Variants in LGALS1 observed in about 807,000 individuals in gnomAD.
LGALS1 encodes the protein galectin-1.
LGALS1 carries 14 observed loss-of-function variants against 14.4 expected under a neutral mutation model. The observed-to-expected ratio is 0.97, with a 90% CI of 0.64 to 1.52. The LOEUF (loss-of-function observed/expected upper bound fraction) is 1.52, where lower values mean the gene tolerates loss of function less well. Ranked by LOEUF, LGALS1 falls within the 40% of genes most tolerant of loss-of-function variation. LGALS1 has a pLI of 0.00. For synonymous variants in LGALS1, 71 were observed against 73.4 expected (o/e 0.97, Z 0.17); for missense variants, 170 against 181.4 (o/e 0.94, Z 0.36).
intron 3 of LGALS1, among the ~76,000 whole-genome samples, chr22:37,679,360 G>A (rs1446536916): frequency 6.6e-6 from 1 of 151,818 alleles, no homozygotes; most frequent in African/African-American, 2.4e-5. Flanking sequence ...GAACCTGGGA[G>A]GCGGAGGTTG....
Position 37,675,728 on chromosome 22 carries a change from C to G in LGALS1, c.9+17C>G. On this transcript the variant is annotated intron_variant, in intron 1 of 3. Coordinates refer to ENST00000215909, the MANE Select transcript of LGALS1 (RefSeq NM_002305.4). ...ATGGCTTGTGTGAGTGTGGGGACCC[C>G]CCCCCAAGGTCCAGGGGATAGGGCA... The G allele has an allele frequency of 6.5e-7, 1 of 1,538,956 alleles. No individual in the cohort carries two copies. Among genetic ancestry groups the G allele is most frequent in the South Asian group, 1.2e-5 (1 of 82,928 alleles).
rs1370437102 is a variant in LGALS1 at position 37,679,595 on chromosome 22, A to G, written c.262-8A>G. ...TGGGCCCGGCTCACTGCTCTCCTCT[A>G]CCCCCAGGTGTGCATCACCTTCGAC... On this transcript the variant is annotated splice_polypyrimidine_tract_variant and splice_region_variant and intron_variant, in intron 3 of 3. Transcript: ENST00000215909. 2.5e-6 allele frequency: 4 copies of G among 1,598,652 alleles called. No individual in the cohort carries two copies. Among genetic ancestry groups the G allele is most frequent in the African/African-American group, 1.3e-5 (1 of 74,300 alleles).
At chr22:37,677,289 C>T (rs566444896) in intron 2 of LGALS1, 2 of 564,136 alleles carry the variant, frequency 3.5e-6, no homozygotes, top group East Asian at 6.0e-5. Flanking sequence ...TAAACTAAAC[C>T]AGCTGCAGCC....
Position 37,678,575 on chromosome 22 carries a change from G to A in LGALS1, c.182G>A (p.Cys61Tyr), listed in dbSNP as rs529196333. 4 of 1,613,620 alleles carry A rather than the reference G, an allele frequency of 2.5e-6. No individual in the cohort carries two copies. In the African/African-American group the frequency reaches 5.3e-5, roughly 21 times the overall value. Residue 61 changes from cysteine to tyrosine, a missense_variant, in exon 3 of 4, where the codon TGC (cysteine) becomes TAC (tyrosine). Coordinates refer to ENST00000215909, the MANE Select transcript of LGALS1 (RefSeq NM_002305.4). Reference sequence around the variant, plus strand: ...CACGGCGACGCCAACACCATCGTGTGCAACAGCAAGGACGGCGGGGCCTGG... The same window carrying A: ...CACGGCGACGCCAACACCATCGTGTACAACAGCAAGGACGGCGGGGCCTGG... ...NAHGDANTIV[C>Y]NSKDGGAWGT...
chr22:37,677,093 G>A, intron 2 of LGALS1, 28 bp downstream of exon 2: 3 of 1,607,882 alleles, frequency 1.9e-6, no homozygotes, highest in Non-Finnish European at 2.6e-6. Flanking sequence ...GGTGGTGGGC[G>A]GCAGGGACGG....
At chr22:37,679,454 G>T in intron 3 of LGALS1, 149 bp from the exon 4 acceptor site, 3 of 597,862 alleles carry the variant, frequency 5.0e-6, no homozygotes, top group Non-Finnish European at 7.6e-6. Context: ...ATCTATCATA[G>T]GATTAGAGTA....
chr22:37,678,350 G>A, intron 2 of LGALS1, 133 bp from the exon 3 acceptor site: 2 of 973,812 alleles, frequency 2.1e-6, no homozygotes, highest in Non-Finnish European at 3.2e-6. Flanking sequence ...GCCAGAGCTA[G>A]AATCCAGGTT....
Position 37,676,980 on chromosome 22 carries a change from G to T in LGALS1, c.10-6G>T. The T allele has an allele frequency of 6.2e-7, 1 of 1,614,094 alleles. No individual in the cohort carries two copies. The highest frequency in any genetic ancestry group is 1.6e-4 in the Middle Eastern group (1 of 6,062). On this transcript the variant is annotated splice_region_variant and splice_polypyrimidine_tract_variant and intron_variant, in intron 1 of 3. Transcript: ENST00000215909. The stretch of plus-strand genomic sequence containing the variant: ...AACCCGGCTGGGCCGGGGCTTGTCT[G>T]TGCAGGGTCTGGTCGCCAGCAACCT...
intron 3 of LGALS1, among the ~76,000 whole-genome samples, chr22:37,679,000 G>T (rs545893160): frequency 1.3e-5 from 2 of 151,376 alleles, no homozygotes; most frequent in South Asian, 4.2e-4. Context: ...GCGTGATGGC[G>T]CATGCCTGTA....
intron 2 of LGALS1, chr22:37,677,624 AG>A: frequency 6.3e-6 from 1 of 158,566 alleles, no homozygotes; most frequent in East Asian, 1.9e-4. Context: ...CGGCTGGCGC[AG>A]TGACAGTGAG....
At chr22:37,675,927 T>A (rs898203302) in intron 1 of LGALS1, among the ~76,000 whole-genome samples, 1 of 152,170 alleles carries the variant, frequency 6.6e-6, no homozygotes, top group African/African-American at 2.4e-5. Context: ...TCTGGATTCC[T>A]CCAGGGTCTG....
intron 2 of LGALS1, chr22:37,677,335 C>T (rs1431886379): frequency 2.1e-6 from 1 of 469,562 alleles, no homozygotes; most frequent in Non-Finnish European, 3.9e-6. Flanking sequence ...CCCGCCCCCA[C>T]CCCTTTCCGG....
rs551010090 is a variant in LGALS1 at position 37,678,087 on chromosome 22, G to GTAT, written c.90-382_90-380dup. 8.5e-5 allele frequency among the ~76,000 whole-genome samples: 13 copies of GTAT among 152,112 alleles called. No individual in the cohort carries two copies. The South Asian group carries it at 2.7e-3, about 32-fold the overall frequency. On this transcript the variant is annotated intron_variant, in intron 2 of 3. Transcript: ENST00000215909. The stretch of plus-strand genomic sequence containing the variant: ...CAGGCATGAGCCACCGTGCCCGGGA[G>GTAT]TATTATTATTATTATTTGTTAATTC...
In LGALS1 at chr22:37,678,591, C is replaced by T. The variant is rs11539847; in HGVS notation, c.198C>T (p.Gly66=). 3.9e-5 allele frequency: 60 copies of T among 1,536,088 alleles called. No homozygotes were observed. The highest frequency in any genetic ancestry group is 5.5e-5 in the African/African-American group (4 of 72,140). The change falls in exon 3 of 4, where the codon GGC becomes GGT. Residue 66 remains glycine, a synonymous_variant. Coordinates refer to ENST00000215909, the MANE Select transcript of LGALS1 (RefSeq NM_002305.4). ...CCATCGTGTGCAACAGCAAGGACGG[C>T]GGGGCCTGGGGGACCGAGCAGCGGG... is the stretch of plus-strand genomic sequence containing the variant. ...ANTIVCNSKD[G]GAWGTEQREA... is the part of the protein sequence containing the mutation.
At position 37,679,673 on chromosome 22, in the gene LGALS1, A is replaced by G. The variant is rs771790822; in HGVS notation, c.332A>G (p.Asn111Ser). 5 of 1,610,580 alleles carry G rather than the reference A, an allele frequency of 3.1e-6. No individual in the cohort carries two copies. Among genetic ancestry groups the G allele is most frequent in the Admixed American group, 1.7e-5 (1 of 59,378 alleles). Residue 111 changes from asparagine to serine, a missense_variant, in exon 4 of 4, where the codon AAC becomes AGC. Transcript: ENST00000215909. ...LPDGYEFKFP[N>S]RLNLEAINYM... Reference sequence around the variant, plus strand: ...GATGGATACGAATTCAAGTTCCCCAACCGCCTCAACCTGGAGGCCATCAAC... The same window carrying G: ...GATGGATACGAATTCAAGTTCCCCAGCCGCCTCAACCTGGAGGCCATCAAC...
intron 2 of LGALS1, chr22:37,678,264 T>C (rs1921506535): frequency 1.5e-6 from 1 of 684,318 alleles, no homozygotes; most frequent in Non-Finnish European, 2.7e-6. Context: ...ACTTCAAGAA[T>C]CAAGCGAGCC....
chr22:37,678,452 G>C, intron 2 of LGALS1, 31 bp from the exon 3 acceptor site: 1 of 1,612,552 alleles, frequency 6.2e-7, no homozygotes, highest in East Asian at 2.2e-5. Context: ...AGCTGGCCGA[G>C]GTGGCCTCAT....
intron 2 of LGALS1, 131 bp downstream of exon 2, chr22:37,677,196 C>G: frequency 1.2e-6 from 1 of 869,364 alleles, no homozygotes. Context: ...GCTGCGTTTT[C>G]TGGGTGACTC....
chr22:37,679,362 C>T (rs1447643074), intron 3 of LGALS1, among the ~76,000 whole-genome samples: 2 of 149,460 alleles, frequency 1.3e-5, no homozygotes, highest in Admixed American at 6.7e-5. Context: ...ACCTGGGAGG[C>T]GGAGGTTGCA....
Sources: allele counts gnomAD v4.1 joint callset (sites outside exome capture counted in the v4.1 genomes callset), GRCh38; gene constraint gnomAD v4.1.1; transcripts MANE v1.5; gene names NCBI Gene and HGNC (gene_info 2026-07-23, HGNC 2026-07-21).